Variants in CNTN4 observed in about 807,000 individuals in gnomAD.
CNTN4 encodes the protein contactin-4.
Under a neutral mutation model 122.5 loss-of-function variants are expected in CNTN4, and 77 were observed. The observed-to-expected ratio is 0.63, with a 90% CI of 0.52 to 0.76. The LOEUF (loss-of-function observed/expected upper bound fraction) is 0.76. Ranked by LOEUF, CNTN4 falls within the 30% of genes least tolerant of loss-of-function variation. The pLI, the probability that CNTN4 is intolerant of heterozygous loss-of-function variation, is 0.00. For synonymous variants in CNTN4, 512 were observed against 447.0 expected (o/e 1.15, Z -1.83); for missense variants, 1,256 against 1,259.1 (o/e 1.00, Z 0.04).
chr3:2,421,758 A>G (rs1433435227), intron 3 of CNTN4, among the ~76,000 whole-genome samples: 1 of 152,144 alleles, frequency 6.6e-6, no homozygotes, highest in Non-Finnish European at 1.5e-5. Flanking sequence ...ACTATTGAAT[A>G]TTTACTTTGT....
chr3:2,455,378 A>T (rs910880606), intron 3 of CNTN4, among the ~76,000 whole-genome samples: 12 of 152,174 alleles, frequency 7.9e-5, no homozygotes, highest in Non-Finnish European at 1.8e-4. Context: ...AATGATCATT[A>T]TCCAGAGAGG....
At chr3:2,247,509 A>G (rs539470277) in intron 2 of CNTN4, among the ~76,000 whole-genome samples, 3 of 152,108 alleles carry the variant, frequency 2.0e-5, no homozygotes, top group Admixed American at 2.0e-4. Context: ...AATCAGTTTT[A>G]CAGGGAAAAT....
intron 2 of CNTN4, among the ~76,000 whole-genome samples, chr3:2,300,386 C>G (rs1474674609): frequency 6.6e-6 from 1 of 151,986 alleles, no homozygotes; most frequent in Non-Finnish European, 1.5e-5. Flanking sequence ...GTTGGGAAAG[C>G]TTTGCATGTT....
At chr3:2,744,266 T>C (rs1462594464) in intron 5 of CNTN4, among the ~76,000 whole-genome samples, 1 of 152,214 alleles carries the variant, frequency 6.6e-6, no homozygotes, top group Non-Finnish European at 1.5e-5. Context: ...ACATCCAAAA[T>C]CTTGAAACTA....
intron 3 of CNTN4, among the ~76,000 whole-genome samples, chr3:2,440,526 G>A (rs1367575867): frequency 6.6e-6 from 1 of 152,058 alleles, no homozygotes; most frequent in African/African-American, 2.4e-5. Context: ...TTTAATATGT[G>A]CGTGTTGTGC....
intron 2 of CNTN4, among the ~76,000 whole-genome samples, chr3:2,253,068 G>A (rs2040437501): frequency 6.6e-6 from 1 of 152,034 alleles, no homozygotes; most frequent in African/African-American, 2.4e-5. Flanking sequence ...ACTGCAAGTA[G>A]TTTAGGAGCC....
intron 3 of CNTN4, among the ~76,000 whole-genome samples, chr3:2,342,237 C>T (rs2044236460): frequency 6.6e-6 from 1 of 152,090 alleles, no homozygotes; most frequent in African/African-American, 2.4e-5. Flanking sequence ...TCTTCATAGG[C>T]TTGGGTCATG....
chr3:2,322,980 G>A (rs1347634708), intron 2 of CNTN4, among the ~76,000 whole-genome samples: 2 of 151,968 alleles, frequency 1.3e-5, no homozygotes, highest in African/African-American at 4.8e-5. Context: ...ACTTTCCTGG[G>A]GGCTCTAGTT....
At chr3:2,675,098 G>A (rs2084770295) in intron 4 of CNTN4, among the ~76,000 whole-genome samples, 1 of 151,274 alleles carries the variant, frequency 6.6e-6, no homozygotes. Context: ...AAAACAATCA[G>A]CAGTGGAGAG....
chr3:2,799,929 C>T (rs1401994490), intron 6 of CNTN4, among the ~76,000 whole-genome samples: 2 of 151,954 alleles, frequency 1.3e-5, no homozygotes, highest in African/African-American at 2.4e-5. Context: ...TTTTGTCAAA[C>T]CTCAGTTGGC....
At chr3:2,121,866 TA>T (rs1023681280) in intron 2 of CNTN4, among the ~76,000 whole-genome samples, 2 of 150,774 alleles carry the variant, frequency 1.3e-5, no homozygotes, top group African/African-American at 4.9e-5. Flanking sequence ...TTTGCCATTG[TA>T]CCCCCTTTGT....
At chr3:2,677,130 TAGA>T (rs1237388700) in intron 4 of CNTN4, among the ~76,000 whole-genome samples, 7 of 12,936 alleles carry the variant, frequency 5.4e-4, no homozygotes, top group African/African-American at 8.3e-4. Context: ...ATCACTCTTT[TAGA>T]TAGATAGATA....
At chr3:2,202,991 ATT>A (rs5846170) in intron 2 of CNTN4, among the ~76,000 whole-genome samples, 6 of 139,872 alleles carry the variant, frequency 4.3e-5, no homozygotes, top group Non-Finnish European at 6.2e-5. Context: ...CTGGCTAATT[ATT>A]TTTTTTTTTT....
intron 2 of CNTN4, among the ~76,000 whole-genome samples, chr3:2,295,517 ATGGGGTTGTTTG>A (rs2042278505): frequency 6.6e-6 from 1 of 151,020 alleles, no homozygotes; most frequent in Non-Finnish European, 1.5e-5. Context: ...CCACTTTTTG[ATGGGGTTGTTTG>A]TTTTTTTCTT....
chr3:2,887,532 G>A (rs2093992477), intron 10 of CNTN4, among the ~76,000 whole-genome samples: 1 of 152,012 alleles, frequency 6.6e-6, no homozygotes, highest in African/African-American at 2.4e-5. Flanking sequence ...ACCTGACACA[G>A]GAAACGTTTT....
chr3:2,819,772 T>G (rs2092821929), intron 7 of CNTN4, among the ~76,000 whole-genome samples, 191 bp downstream of exon 7: 1 of 152,146 alleles, frequency 6.6e-6, no homozygotes, highest in African/African-American at 2.4e-5. Flanking sequence ...TGTGCAAATT[T>G]TCCACCCCAC....
At chr3:2,833,154 CTG>C (rs2093139679) in intron 7 of CNTN4, among the ~76,000 whole-genome samples, 1 of 152,196 alleles carries the variant, frequency 6.6e-6, no homozygotes, top group South Asian at 2.1e-4. Flanking sequence ...TGCATCTCCA[CTG>C]TGCTTTTGGT....
At chr3:2,793,801 G>T (rs2092087106) in intron 6 of CNTN4, among the ~76,000 whole-genome samples, 1 of 152,106 alleles carries the variant, frequency 6.6e-6, no homozygotes, top group South Asian at 2.1e-4. Context: ...ATAAGGAGAA[G>T]AAAACAAAAT....
rs56147510 is a variant in CNTN4 at position 2,854,268 on chromosome 3, C to CTTTTTTTTT, written c.455-12471_455-12463dup. Among the ~76,000 whole-genome samples the CTTTTTTTTT allele has an allele frequency of 6.9e-4, 62 of 90,048 alleles. 1 individual carries two copies. The highest frequency in any genetic ancestry group is 1.0e-3 in the Non-Finnish European group (50 of 49,546). 59.1% of individuals were successfully genotyped at this position (90,048 alleles called of 152,430 possible). A position where few individuals can be genotyped will look rare whatever the true frequency, so the allele number is the denominator to read the frequency against. On this transcript the variant is annotated intron_variant, in intron 7 of 24. Transcript: ENST00000418658. ...TGGCATTTTATTTTTCTTTCTTCTT[C>CTTTTTTTTT]TTTTTTTTTTTTTTTTTTTTTGAGA...
Sources: gnomAD v4.1 joint callset for allele counts (sites outside exome capture counted in the v4.1 genomes callset) on GRCh38, gnomAD v4.1.1 for gene constraint, MANE v1.5 for transcripts, NCBI Gene and HGNC (gene_info 2026-07-23, HGNC 2026-07-21) for gene names.